SLC18A1: variants seen among roughly 807,000 people sequenced by gnomAD.
SLC18A1 encodes chromaffin granule amine transporter.
In SLC18A1, 69 loss-of-function variants were observed where a neutral mutation model predicts 53.7. That is an observed-to-expected ratio of 1.28 (90% CI 1.06 to 1.57). The LOEUF (loss-of-function observed/expected upper bound fraction) is 1.57. SLC18A1 is among the 40% of genes most tolerant of loss of function. The pLI, the probability that SLC18A1 is intolerant of heterozygous loss-of-function variation, is 0.00. For synonymous variants in SLC18A1, 320 were observed against 248.1 expected (o/e 1.29, Z -2.72); for missense variants, 932 against 668.1 (o/e 1.40, Z -4.35).
chr8:20,177,800 C>T (rs2072287758), intron 4 of SLC18A1, among the ~76,000 whole-genome samples: 1 of 152,184 alleles, frequency 6.6e-6, no homozygotes, highest in African/African-American at 2.4e-5. Context: ...TCTTCCTTTA[C>T]TTCTCAGCAT....
chr8:20,149,463 T>G (rs923021396), intron 12 of SLC18A1, among the ~76,000 whole-genome samples: 3 of 152,074 alleles, frequency 2.0e-5, no homozygotes, highest in Non-Finnish European at 4.4e-5. Flanking sequence ...GCTGGTGGCC[T>G]CTTCCCCCGT....
At chr8:20,162,502 A>G (rs1277368944) in intron 10 of SLC18A1, among the ~76,000 whole-genome samples, 2 of 152,216 alleles carry the variant, frequency 1.3e-5, no homozygotes, top group Admixed American at 6.5e-5. Flanking sequence ...GTCACTATAT[A>G]TGCAGTTAAA....
intron 7 of SLC18A1, 87 bp downstream of exon 7, chr8:20,171,318 A>C: frequency 7.4e-7 from 1 of 1,349,924 alleles, no homozygotes; most frequent in Non-Finnish European, 1.1e-6. Flanking sequence ...CAAACCGCCC[A>C]TTCTTAGTGA....
chr8:20,151,346 T>C (rs1160639971), intron 10 of SLC18A1, among the ~76,000 whole-genome samples: 1 of 152,066 alleles, frequency 6.6e-6, no homozygotes, highest in Non-Finnish European at 1.5e-5. Flanking sequence ...TGAATGGCCC[T>C]GATGAGCCGT....
chr8:20,166,156 T>C (rs548748156), intron 8 of SLC18A1, among the ~76,000 whole-genome samples: 1 of 151,848 alleles, frequency 6.6e-6, no homozygotes, highest in South Asian at 2.1e-4. Flanking sequence ...ATTATAAACA[T>C]GCAGTCATGC....
At chr8:20,170,077 T>C (rs917562458) in intron 8 of SLC18A1, among the ~76,000 whole-genome samples, 1 of 152,116 alleles carries the variant, frequency 6.6e-6, no homozygotes, top group Non-Finnish European at 1.5e-5. Context: ...GCAGAGGGTA[T>C]TTGGTGCTCC....
At chr8:20,167,145 A>AC (rs1554537931) in intron 8 of SLC18A1, among the ~76,000 whole-genome samples, 13 of 151,918 alleles carry the variant, frequency 8.6e-5, no homozygotes, top group African/African-American at 3.1e-4. Flanking sequence ...AAAAAAAAAA[A>AC]CCCCACAAAT....
chr8:20,151,064 T>G (rs2071540225), intron 10 of SLC18A1: 1 of 280,832 alleles, frequency 3.6e-6, no homozygotes, highest in Admixed American at 4.4e-5. Flanking sequence ...CTCGACCTCC[T>G]GGGATCAAGT....
intron 10 of SLC18A1, among the ~76,000 whole-genome samples, chr8:20,164,387 G>A (rs77545053): frequency 0.012 from 1,763 of 152,312 alleles, 30 homozygotes; most frequent in African/African-American, 0.041. Flanking sequence ...AGGATGAGGA[G>A]CTGAAGGGAG....
At chr8:20,175,314 C>G (rs1229943040) in intron 4 of SLC18A1, 2 of 152,134 alleles carry the variant, frequency 1.3e-5, no homozygotes, top group Non-Finnish European at 2.9e-5. Flanking sequence ...GCAGTTAACG[C>G]AATCCTCACA....
At chr8:20,167,629 T>C (rs922495529) in intron 8 of SLC18A1, among the ~76,000 whole-genome samples, 1 of 151,988 alleles carries the variant, frequency 6.6e-6, no homozygotes, top group African/African-American at 2.4e-5. Flanking sequence ...TTTGTTTTTT[T>C]TGTTTTTTTG....
intron 1 of SLC18A1, among the ~76,000 whole-genome samples, chr8:20,182,507 T>C (rs1474419568): frequency 2.0e-5 from 3 of 152,222 alleles, no homozygotes; most frequent in African/African-American, 7.2e-5. Context: ...CAGTTATTTA[T>C]AATCAATGAC....
At chr8:20,150,948 G>C (rs959416961) in intron 10 of SLC18A1, 2 of 575,746 alleles carry the variant, frequency 3.5e-6, no homozygotes, top group Admixed American at 6.0e-5. Flanking sequence ...GCAAGGCTTT[G>C]TTTAGCCTCA....
intron 4 of SLC18A1, chr8:20,176,025 G>T (rs2072242853): frequency 6.6e-6 from 1 of 152,098 alleles, no homozygotes; most frequent in East Asian, 1.9e-4. Flanking sequence ...ACAAAAACAG[G>T]AAGTCTTACA....
Position 20,179,110 on chromosome 8 carries a change from C to T in SLC18A1, c.488+11G>A. 4.4e-6 allele frequency: 7 copies of T among 1,604,812 alleles called. No individual in the cohort carries two copies. The highest frequency in any genetic ancestry group is 6.0e-6 in the Non-Finnish European group (7 of 1,174,618). On this transcript the variant is annotated intron_variant, in intron 3 of 15. Coordinates refer to ENST00000276373, the MANE Select transcript of SLC18A1 (RefSeq NM_003053.4). ...TGTGTACCCTGCGGGGCACTGCACC[C>T]AGTGAGATACCTGTTGGTGAGAGGG...
At chr8:20,178,119 ATAAC>A (rs1563771433) in intron 4 of SLC18A1, among the ~76,000 whole-genome samples, 6 of 85,674 alleles carry the variant, frequency 7.0e-5, no homozygotes, top group East Asian at 2.7e-4. Context: ...ACTGATGCAT[ATAAC>A]ACACACACAC....
chr8:20,178,536 C>A, intron 3 of SLC18A1, 43 bp from the exon 4 acceptor site: 2 of 1,401,226 alleles, frequency 1.4e-6, no homozygotes, highest in South Asian at 2.5e-5. Flanking sequence ...TTCCAACAGG[C>A]ACTCACATAC....
chr8:20,147,526 G>T (rs1159695312), intron 14 of SLC18A1, 77 bp downstream of exon 14: 11 of 1,599,740 alleles, frequency 6.9e-6, no homozygotes, highest in Non-Finnish European at 9.4e-6. Context: ...AACCCTAGGA[G>T]GATAGCTTCC....
Position 20,147,689 on chromosome 8 carries a change from C to T in SLC18A1, c.1244G>A (p.Gly415Glu). 1.2e-6 allele frequency: 2 copies of T among 1,613,788 alleles called. No individual in the cohort carries two copies. Among genetic ancestry groups the T allele is most frequent in the Non-Finnish European group, 8.5e-7 (1 of 1,179,900 alleles). Residue 415 changes from glycine (G) to glutamate (E), a missense_variant, in exon 14 of 16, where the codon GGG becomes GAG. Transcript: ENST00000276373. ...GGTGTGGCGTAGATCCACCAGGTGC[C>T]CCATGATGGGCATCATAGAAGAATC... ...MVDSSMMPIM[G>E]HLVDLRHTSV...
Sources: allele counts gnomAD v4.1 joint callset (sites outside exome capture counted in the v4.1 genomes callset), GRCh38; gene constraint gnomAD v4.1.1; transcripts MANE v1.5; gene names NCBI Gene and HGNC (gene_info 2026-07-23, HGNC 2026-07-21).